Variants in RPH3A observed in about 807,000 individuals in gnomAD.
The protein encoded by RPH3A is rabphilin 3A, also known as rabphilin-3A.
In RPH3A, 48 loss-of-function variants were observed where a neutral mutation model predicts 102.2. That is an observed-to-expected ratio of 0.47 (90% CI 0.37 to 0.60). The LOEUF (loss-of-function observed/expected upper bound fraction) is 0.60. Among genes scored for constraint, RPH3A ranks in the 20% least tolerant of loss-of-function variants. The pLI is 0.00. For synonymous variants in RPH3A, 310 were observed against 324.3 expected, an observed-to-expected ratio of 0.96 and a Z score of 0.47; for missense variants, 781 against 910.1, an observed-to-expected ratio of 0.86 and a Z score of 1.83.
intron 1 of RPH3A, among the ~76,000 whole-genome samples, chr12:112,702,697 G>A (rs2136029872): frequency 6.6e-6 from 1 of 152,332 alleles, no homozygotes; most frequent in South Asian, 2.1e-4. Flanking sequence ...CCCACTTGTA[G>A]GAGCCTTTGC....
At chr12:112,707,040 G>C (rs1369201406) in intron 1 of RPH3A, among the ~76,000 whole-genome samples, 2 of 152,170 alleles carry the variant, frequency 1.3e-5, no homozygotes, top group African/African-American at 4.8e-5. Context: ...GCAGTGGAGT[G>C]GGCAGGGGTT....
chr12:112,726,094 CT>C (rs202196469), intron 1 of RPH3A, among the ~76,000 whole-genome samples: 1 of 140,478 alleles, frequency 7.1e-6, no homozygotes, highest in South Asian at 2.4e-4. Context: ...CGCACCCAGC[CT>C]TTTTTTTCGG....
chr12:112,795,158 C>A (rs144143423), intron 2 of RPH3A, among the ~76,000 whole-genome samples: 32 of 152,320 alleles, frequency 2.1e-4, no homozygotes, highest in African/African-American at 7.5e-4. Flanking sequence ...TGCTTTAACT[C>A]TTTCCCTCTC....
chr12:112,751,884 G>A (rs571042753), intron 1 of RPH3A, among the ~76,000 whole-genome samples: 4 of 152,120 alleles, frequency 2.6e-5, no homozygotes, highest in South Asian at 4.2e-4. Flanking sequence ...TAATAACAGG[G>A]GTTATTAAAA....
chr12:112,845,489 G>A (rs1022647839), intron 4 of RPH3A, among the ~76,000 whole-genome samples: 5 of 152,136 alleles, frequency 3.3e-5, no homozygotes, highest in African/African-American at 9.7e-5. Flanking sequence ...CTAGGGCCTC[G>A]GGAGGTACCT....
chr12:112,787,890 G>A (rs934674589), upstream of RPH3A, among the ~76,000 whole-genome samples: 4 of 152,208 alleles, frequency 2.6e-5, no homozygotes, highest in African/African-American at 9.7e-5. Context: ...TTACTGGGCT[G>A]CCTCTGCTCC....
chr12:112,685,050 G>A (rs180739718), intron 1 of RPH3A, among the ~76,000 whole-genome samples: 7 of 152,186 alleles, frequency 4.6e-5, no homozygotes, highest in African/African-American at 9.6e-5. Flanking sequence ...CCTCAGCCTC[G>A]CTCACCACCT....
At chr12:112,831,784 C>G in intron 3 of RPH3A, 1 of 455,906 alleles carries the variant, frequency 2.2e-6, no homozygotes, top group Middle Eastern at 3.3e-4. Flanking sequence ...ATTGGTTGTG[C>G]TTTCAAGTGT....
chr12:112,762,986 T>A (rs2040864351), intron 1 of RPH3A, among the ~76,000 whole-genome samples: 1 of 152,190 alleles, frequency 6.6e-6, no homozygotes, highest in South Asian at 2.1e-4. Context: ...TCAAAGGTCA[T>A]TCCCCAAGGA....
At chr12:112,714,447 T>C (rs1364434520) in intron 1 of RPH3A, among the ~76,000 whole-genome samples, 3 of 152,142 alleles carry the variant, frequency 2.0e-5, no homozygotes, top group South Asian at 2.1e-4. Flanking sequence ...TCAGCGTTAG[T>C]GTGCCTATGG....
chr12:112,776,836 T>C (rs956699045), intron 1 of RPH3A, among the ~76,000 whole-genome samples: 6 of 121,744 alleles, frequency 4.9e-5, no homozygotes, highest in Non-Finnish European at 7.8e-5. Flanking sequence ...ATCATGCCAC[T>C]GTACTCCAGC....
Position 112,865,555 on chromosome 12 carries a change from C to T in RPH3A, c.360+12C>T. Reference sequence around the variant, plus strand: ...AGGACTGTAAGAAGGTATCATCATCCTCTTCTCCCTTCTTCCCTGTGCAGC... The same window carrying T: ...AGGACTGTAAGAAGGTATCATCATCTTCTTCTCCCTTCTTCCCTGTGCAGC... On this transcript the variant is annotated intron_variant, in intron 6 of 21. Transcript: ENST00000389385. The T allele has an allele frequency of 6.2e-7, 1 of 1,612,090 alleles. No homozygotes were observed. The highest frequency in any genetic ancestry group is 8.5e-7 in the Non-Finnish European group (1 of 1,179,426).
chr12:112,677,473 C>T lies in RPH3A; in HGVS notation c.-140+102154C>T, dbSNP rs181386052. Among the ~76,000 whole-genome samples the T allele has an allele frequency of 7.4e-3, 1,038 of 140,118 alleles. 14 individuals are homozygous for T. Among genetic ancestry groups the T allele is most frequent in the African/African-American group, 0.027 (956 of 35,412 alleles). The allele number at this position is 140,118 out of a possible 152,430, so 91.9% of individuals were successfully genotyped here. On this transcript the variant is annotated intron_variant, in intron 1 of 21. Coordinates refer to the RPH3A transcript ENST00000543106. ...TCCTTCCTTCCTTCCTTCCTTCCTTCCTTCCTTCCTTCCCTCTTTCTCTTT... is the reference window on the plus strand; with the variant it reads ...TCCTTCCTTCCTTCCTTCCTTCCTTTCTTCCTTCCTTCCCTCTTTCTCTTT...
chr12:112,870,102 G>T, intron 10 of RPH3A, 63 bp downstream of exon 10: 1 of 1,495,280 alleles, frequency 6.7e-7, no homozygotes, highest in East Asian at 2.3e-5. Context: ...AAGAATGAGG[G>T]GAACTGTGTT....
intron 1 of RPH3A, among the ~76,000 whole-genome samples, chr12:112,638,989 T>C (rs1314309016): frequency 6.6e-6 from 1 of 152,136 alleles, no homozygotes; most frequent in Non-Finnish European, 1.5e-5. Context: ...GGAGATCAGA[T>C]GGTAAGTGAT....
chr12:112,589,187 G>T (rs532696665), intron 1 of RPH3A, among the ~76,000 whole-genome samples: 1 of 152,026 alleles, frequency 6.6e-6, no homozygotes, highest in East Asian at 1.9e-4. Flanking sequence ...ACCCAGGAGG[G>T]TTGGTACACC....
intron 10 of RPH3A, among the ~76,000 whole-genome samples, chr12:112,873,693 A>AC (rs1189047920): frequency 6.6e-6 from 1 of 152,116 alleles, no homozygotes; most frequent in East Asian, 1.9e-4. Flanking sequence ...GGCATATTTA[A>AC]CCCCCACTAC....
chr12:112,702,609 G>C (rs1401278961), intron 1 of RPH3A, among the ~76,000 whole-genome samples: 1 of 152,218 alleles, frequency 6.6e-6, no homozygotes, highest in Non-Finnish European at 1.5e-5. Flanking sequence ...ATAGACTAGA[G>C]TGAAGGAATG....
At chr12:112,724,080 G>T in intron 1 of RPH3A, among the ~76,000 whole-genome samples, 1 of 140,234 alleles carries the variant, frequency 7.1e-6, no homozygotes, top group African/African-American at 2.7e-5. Context: ...TTTGGAGACA[G>T]GATCTATCTA....
Sources: gnomAD v4.1 joint callset for allele counts (sites outside exome capture counted in the v4.1 genomes callset) on GRCh38, gnomAD v4.1.1 for gene constraint, MANE v1.5 for transcripts, NCBI Gene and HGNC (gene_info 2026-07-23, HGNC 2026-07-21) for gene names.